The following ARHGAP39 variants were observed in gnomAD, a reference collection of about 807,000 sequenced individuals.
ARHGAP39 encodes Rho GTPase activating protein 39.
A neutral mutation model predicts 106.9 loss-of-function variants in ARHGAP39; 44 were observed. The ratio of observed to expected loss-of-function variants is 0.41; its 90% CI spans 0.32 to 0.53. The LOEUF (loss-of-function observed/expected upper bound fraction) is 0.53, where lower values mean the gene tolerates loss of function less well. ARHGAP39 is among the 20% of genes least tolerant of loss of function. The probability of loss-of-function intolerance (pLI) is 0.21; values close to 1 mark genes in which losing one functional copy is unlikely to be tolerated. For synonymous variants in ARHGAP39, 768 were observed against 693.2 expected (o/e 1.11, Z -1.69); for missense variants, 1,496 against 1,577.3 (o/e 0.95, Z 0.87).
rs1461561871 is a variant in ARHGAP39, at chr8:144,684,111, A to G, written c.-82+1575T>C. ...TCAGAGGCGGGCAGCCTGGCTCCAGAACCCGCCCTCCTGTCCACTCTGCTC... is the reference window on the plus strand; with the variant it reads ...TCAGAGGCGGGCAGCCTGGCTCCAGGACCCGCCCTCCTGTCCACTCTGCTC... On this transcript the variant is annotated intron_variant, in intron 1 of 11. Transcript: ENST00000377307. The surrounding 1 kb of genome is among the most constrained non-coding windows in gnomAD (Gnocchi z 4.4). Among the ~76,000 whole-genome samples, 1 of 152,172 alleles carries G rather than the reference A, an allele frequency of 6.6e-6. No homozygotes were observed. The highest frequency in any genetic ancestry group is 1.9e-4 in the East Asian group (1 of 5,188).
intron 1 of ARHGAP39, among the ~76,000 whole-genome samples, chr8:144,664,707 C>A (rs1021542970): frequency 2.0e-5 from 3 of 151,956 alleles, no homozygotes; most frequent in African/African-American, 7.3e-5. Context: ...TCAGAGGCTT[C>A]CACTTTTGCT....
chr8:144,590,219 C>T (rs547951833), intron 2 of ARHGAP39, among the ~76,000 whole-genome samples: 83 of 152,260 alleles, frequency 5.5e-4, no homozygotes, highest in African/African-American at 1.9e-3. Flanking sequence ...ACACTGTGCT[C>T]GGGGCAGGGC....
Position 144,548,637 on chromosome 8 carries a change from A to C in ARHGAP39, c.597-148T>G. 1 of 1,161,686 alleles carries C rather than the reference A, an allele frequency of 8.6e-7. No individual in the cohort carries two copies. Among genetic ancestry groups the C allele is most frequent in the Non-Finnish European group, 1.2e-6 (1 of 852,418 alleles). 72.0% of individuals were successfully genotyped at this position (1,161,686 alleles called of 1,614,324 possible). A position where few individuals can be genotyped will look rare whatever the true frequency, so the allele number is the denominator to read the frequency against. On this transcript the variant is annotated intron_variant, in intron 4 of 11. Transcript: ENST00000377307. This position sits in a 1 kb window ranked among gnomAD's most constrained non-coding sequence, Gnocchi z 7.4. ...GGCCCTGTGGCCTGGCGCCCCTCAC[A>C]CCTGCCTTGCCCCAGCACCCCCAGC...
intron 1 of ARHGAP39, among the ~76,000 whole-genome samples, chr8:144,637,372 G>A (rs1267940038): frequency 6.6e-6 from 1 of 152,198 alleles, no homozygotes; most frequent in Non-Finnish European, 1.5e-5. Flanking sequence ...AGCACTTTGG[G>A]AGGCTGAGGT....
At chr8:144,581,571 C>G (rs1341618207) in intron 2 of ARHGAP39, among the ~76,000 whole-genome samples, 1 of 152,236 alleles carries the variant, frequency 6.6e-6, no homozygotes, top group East Asian at 1.9e-4. Flanking sequence ...CACAGGCACC[C>G]AGGCCACAAC....
chr8:144,601,633 T>C (rs1183008171), intron 2 of ARHGAP39, among the ~76,000 whole-genome samples: 1 of 134,052 alleles, frequency 7.5e-6, no homozygotes, highest in African/African-American at 2.8e-5. Flanking sequence ...GAGGCGTGCA[T>C]GTGTGCTCGT....
chr8:144,580,758 G>GGGGGGGGGGCCCC, intron 3 of ARHGAP39, 88 bp downstream of exon 3: 1 of 185,572 alleles, frequency 5.4e-6, no homozygotes. Flanking sequence ...CTCTCACCTG[G>GGGGGGGGGGCCCC]CCCCGCCCAC....
chr8:144,598,417 G>A (rs550777870), intron 2 of ARHGAP39, among the ~76,000 whole-genome samples: 39 of 152,336 alleles, frequency 2.6e-4, no homozygotes, highest in African/African-American at 8.2e-4. Context: ...GGAAGGAGCA[G>A]AAGAGACTCT....
chr8:144,580,734 C>T, intron 3 of ARHGAP39, 112 bp downstream of exon 3: 1 of 1,293,698 alleles, frequency 7.7e-7, no homozygotes, highest in Non-Finnish European at 1.0e-6. Flanking sequence ...CGCCCACCAC[C>T]TTCACCAGTC....
At chr8:144,576,332 CAAAAAAAAAAA>C (rs67038997) in intron 3 of ARHGAP39, among the ~76,000 whole-genome samples, 3 of 63,820 alleles carry the variant, frequency 4.7e-5, no homozygotes, top group Middle Eastern at 0.011. Context: ...GACTCCGTCT[CAAAAAAAAAAA>C]AAAAAAAAAA....
chr8:144,641,791 G>A lies in ARHGAP39; in HGVS notation c.-81-36096C>T, dbSNP rs545562833. 2.6e-4 allele frequency among the ~76,000 whole-genome samples: 40 copies of A among 152,344 alleles called. No individual in the cohort carries two copies. Among genetic ancestry groups the A allele is most frequent in the African/African-American group, 8.9e-4 (37 of 41,582 alleles). On this transcript the variant is annotated intron_variant, in intron 1 of 11. Transcript: ENST00000377307. This position sits in a 1 kb window ranked among gnomAD's most constrained non-coding sequence, Gnocchi z 5.2. ...CCCAAGAGTGTCCTCTGAAGCCAGT[G>A]CATTTACCCATCATGCAAGGAGAGG... is the stretch of plus-strand genomic sequence containing the variant.
chr8:144,692,224 C>T, the ARHGAP39 span, among the ~76,000 whole-genome samples: 3 of 152,176 alleles, frequency 2.0e-5, no homozygotes, highest in African/African-American at 7.2e-5. Flanking sequence ...CCCTCCCTCC[C>T]TGCCCTCATC....
At chr8:144,685,917 C>A (rs1382678550), upstream of ARHGAP39, among the ~76,000 whole-genome samples, 1 of 150,186 alleles carries the variant, frequency 6.7e-6, no homozygotes, top group East Asian at 2.0e-4. Flanking sequence ...GCGGTCACTA[C>A]CCGCCGCCAG....
intron 1 of ARHGAP39, among the ~76,000 whole-genome samples, chr8:144,642,753 C>T (rs1391246499): frequency 6.6e-6 from 1 of 152,156 alleles, no homozygotes; most frequent in East Asian, 1.9e-4. Context: ...CCTTCTGCCA[C>T]GATGGTGAGG....
chr8:144,600,502 A>C (rs1819832369), intron 2 of ARHGAP39, among the ~76,000 whole-genome samples: 1 of 123,740 alleles, frequency 8.1e-6, no homozygotes, highest in Non-Finnish European at 1.6e-5. Context: ...ACACTTGGGT[A>C]CCTACCTGCG....
At chr8:144,569,417 C>G (rs902445504) in intron 3 of ARHGAP39, among the ~76,000 whole-genome samples, 1 of 152,130 alleles carries the variant, frequency 6.6e-6, no homozygotes, top group African/African-American at 2.4e-5. Context: ...CAACAGAAGG[C>G]GGTACATCCA....
intron 1 of ARHGAP39, among the ~76,000 whole-genome samples, chr8:144,624,708 CCCGGCGGCCCGGTTCACGGAGCACTCA>C (rs1820898012): frequency 2.4e-5 from 1 of 42,282 alleles, no homozygotes. Flanking sequence ...CAGCCCCTGT[CCCGGCGGCCCGGTTCACGGAGCACTCA>C]CTGCACACTG....
At chr8:144,618,581 C>T (rs1040963973) in intron 1 of ARHGAP39, among the ~76,000 whole-genome samples, 4 of 152,258 alleles carry the variant, frequency 2.6e-5, no homozygotes, top group Non-Finnish European at 4.4e-5. Context: ...CAGGCAGAGC[C>T]CCGAGGACGC....
chr8:144,596,519 C>G (rs111739474), intron 2 of ARHGAP39, among the ~76,000 whole-genome samples: 1 of 152,238 alleles, frequency 6.6e-6, no homozygotes, highest in African/African-American at 2.4e-5. Flanking sequence ...TAAATCAAGG[C>G]CTAGCATTGA....
Sources: allele counts gnomAD v4.1 joint callset (sites outside exome capture counted in the v4.1 genomes callset), GRCh38; gene constraint gnomAD v4.1.1; non-coding constraint Gnocchi (gnomAD v3.1); transcripts MANE v1.5; gene names NCBI Gene and HGNC (gene_info 2026-07-23, HGNC 2026-07-21).